Variants in ZNF804B observed in about 807,000 individuals in gnomAD.
ZNF804B encodes the protein zinc finger 804B.
Under a neutral mutation model 101.4 loss-of-function variants are expected in ZNF804B, and 80 were observed. That is an observed-to-expected ratio of 0.79 (90% confidence interval 0.66 to 0.95). The LOEUF (loss-of-function observed/expected upper bound fraction) is 0.95. Ranked by LOEUF, ZNF804B falls within the 40% of genes least tolerant of loss-of-function variation. The probability of loss-of-function intolerance (pLI) is 0.00; values close to 1 mark genes in which losing one functional copy is unlikely to be tolerated. For synonymous variants in ZNF804B, 622 were observed against 558.8 expected (o/e 1.11, Z -1.59); for missense variants, 1,673 against 1,561.9 (o/e 1.07, Z -1.20).
At chr7:88,805,502 C>T (rs1389733958) in intron 1 of ZNF804B, among the ~76,000 whole-genome samples, 1 of 152,154 alleles carries the variant, frequency 6.6e-6, no homozygotes, top group Admixed American at 6.5e-5. Flanking sequence ...ACTCAAGGTA[C>T]CTCCACATTT....
intron 1 of ZNF804B, among the ~76,000 whole-genome samples, chr7:88,994,212 C>T (rs186869836): frequency 8.8e-4 from 134 of 152,012 alleles, no homozygotes; most frequent in Non-Finnish European, 1.6e-3. Flanking sequence ...TTTTATTCAG[C>T]TGCCTCTTGC....
intron 1 of ZNF804B, among the ~76,000 whole-genome samples, chr7:89,015,687 T>C (rs538395821): frequency 1.6e-4 from 25 of 152,304 alleles, no homozygotes; most frequent in South Asian, 4.2e-4. Flanking sequence ...TATGGCTGCA[T>C]AGTATTCCAT....
At chr7:89,333,200 C>T (rs1791013460) in intron 3 of ZNF804B, among the ~76,000 whole-genome samples, 163 bp from the exon 4 acceptor site, 1 of 151,868 alleles carries the variant, frequency 6.6e-6, no homozygotes, top group South Asian at 2.1e-4. Flanking sequence ...AGCCACTATA[C>T]AATTTATGCT....
At chr7:88,795,283 A>T (rs1790461972) in intron 1 of ZNF804B, among the ~76,000 whole-genome samples, 1 of 152,240 alleles carries the variant, frequency 6.6e-6, no homozygotes, top group Middle Eastern at 3.4e-3. Context: ...TATAAGCCAA[A>T]TTTTTTAAAA....
At position 88,812,745 on chromosome 7, in the gene ZNF804B, A is replaced by G. The variant is rs1443138611; in HGVS notation, c.108+52661A>G. Among the ~76,000 whole-genome samples, 2 of 152,288 alleles carry G rather than the reference A, an allele frequency of 1.3e-5. 1 individual carries two copies. Among genetic ancestry groups the G allele is most frequent in the South Asian group, 4.1e-4 (2 of 4,832 alleles). ...AAAAAGGAAGGAAATCCTGTCACAC[A>G]CTACAACACGAATGAACCTGGAAGA... On this transcript the variant is annotated intron_variant, in intron 1 of 3. Transcript: ENST00000333190.
chr7:89,083,712 G>A (rs1339320861), intron 1 of ZNF804B, among the ~76,000 whole-genome samples: 1 of 151,708 alleles, frequency 6.6e-6, no homozygotes, highest in Admixed American at 6.6e-5. Flanking sequence ...GAAACATATT[G>A]AGACCGTTAA....
At chr7:88,993,066 A>G (rs1203653794) in intron 1 of ZNF804B, among the ~76,000 whole-genome samples, 1 of 152,000 alleles carries the variant, frequency 6.6e-6, no homozygotes, top group Non-Finnish European at 1.5e-5. Flanking sequence ...TGGCCAAACT[A>G]CTTATAAAAT....
rs1241050820 is a variant in ZNF804B, at chr7:89,334,022, A to G, written c.1040A>G (p.Asn347Ser). Residue 347 changes from asparagine to serine, a missense_variant, in exon 4 of 4, where the codon AAT becomes AGT. Asn to Ser is a conservative substitution (Grantham distance 46). Coordinates refer to ENST00000333190, the MANE Select transcript of ZNF804B (RefSeq NM_181646.5). The part of the protein sequence containing the change: ...TPTSREKETR[N>S]TLKNTLENCV... ...ACCAGCAGAGAAAAAGAAACTAGAA[A>G]TACATTGAAGAACACTTTAGAAAAT... The G allele has an allele frequency of 2.5e-6, 4 of 1,613,466 alleles. No homozygotes were observed. The highest frequency in any genetic ancestry group is 3.4e-6 in the Non-Finnish European group (4 of 1,179,738).
intron 1 of ZNF804B, among the ~76,000 whole-genome samples, chr7:89,057,170 G>A (rs1789309499): frequency 1.3e-5 from 2 of 152,082 alleles, no homozygotes; most frequent in Admixed American, 6.6e-5. Flanking sequence ...GAACAATGGG[G>A]ATGAAAGTCA....
chr7:89,228,256 T>G (rs556825776), intron 2 of ZNF804B, among the ~76,000 whole-genome samples: 2 of 152,120 alleles, frequency 1.3e-5, no homozygotes, highest in African/African-American at 4.8e-5. Context: ...AGCAGCAGGA[T>G]TTATTGCAAA....
At chr7:88,992,105 G>A (rs908213551) in intron 1 of ZNF804B, among the ~76,000 whole-genome samples, 3 of 152,104 alleles carry the variant, frequency 2.0e-5, no homozygotes, top group Non-Finnish European at 2.9e-5. Flanking sequence ...CAGTGATGAG[G>A]AAAAGTTTAA....
In ZNF804B at chr7:89,327,456, T is replaced by C; in HGVS notation, c.362T>C (p.Leu121Ser). 1 of 1,610,986 alleles carries C rather than the reference T, an allele frequency of 6.2e-7. No individual in the cohort carries two copies. Among genetic ancestry groups the C allele is most frequent in the Non-Finnish European group, 8.5e-7 (1 of 1,178,326 alleles). The change falls in exon 3 of 4, where the codon TTA becomes TCA. Residue 121 changes from leucine to serine, a missense_variant. Physicochemically the swap from Leu to Ser is moderately radical, Grantham distance 145. Coordinates refer to ENST00000333190, the MANE Select transcript of ZNF804B (RefSeq NM_181646.5). ...AAACGACTTCATCAGCTGGCTGAGTTAAGGCAGCAATCTGAATGGTAAGAA... is the reference window on the plus strand; with the variant it reads ...AAACGACTTCATCAGCTGGCTGAGTCAAGGCAGCAATCTGAATGGTAAGAA... ...ALKRLHQLAELRQQSECVSGN... is the reference protein window; with the variant it reads ...ALKRLHQLAESRQQSECVSGN...
intron 1 of ZNF804B, among the ~76,000 whole-genome samples, chr7:89,153,793 G>T (rs1790914616): frequency 6.6e-6 from 1 of 152,070 alleles, no homozygotes; most frequent in Non-Finnish European, 1.5e-5. Context: ...ATCAATGCAA[G>T]AATTAAGTAT....
chr7:89,141,202 G>A (rs898895855), intron 1 of ZNF804B, among the ~76,000 whole-genome samples: 1 of 151,982 alleles, frequency 6.6e-6, no homozygotes, highest in African/African-American at 2.4e-5. Flanking sequence ...AAAGATCACT[G>A]ATTAAAGATC....
At chr7:89,155,972 C>CTCTT (rs1790954476) in intron 1 of ZNF804B, among the ~76,000 whole-genome samples, 1 of 150,470 alleles carries the variant, frequency 6.6e-6, no homozygotes, top group Non-Finnish European at 1.5e-5. Flanking sequence ...CTGTCTCTCT[C>CTCTT]TCTTTCCTTC....
Position 89,337,200 on chromosome 7 carries a change from TTAA to T in ZNF804B, c.*173_*175del. On this transcript the variant is annotated 3_prime_UTR_variant, in exon 4 of 4. Transcript: ENST00000333190. ...TTGCTAATACTAAAACAAGAGCATT[TTAA>T]TAATTTTTTAGCTTGCCAAAATAAT... 1.3e-6 allele frequency: 1 copy of T among 770,800 alleles called. No individual in the cohort carries two copies. Among genetic ancestry groups the T allele is most frequent in the South Asian group, 2.6e-5 (1 of 38,280 alleles). The allele number at this position is 770,800 out of a possible 1,614,324, so 47.7% of individuals were successfully genotyped here. A position where few individuals can be genotyped will look rare whatever the true frequency, so the allele number is the denominator to read the frequency against.
At chr7:89,302,692 C>G (rs1028800052) in intron 2 of ZNF804B, among the ~76,000 whole-genome samples, 1 of 151,870 alleles carries the variant, frequency 6.6e-6, no homozygotes, top group Non-Finnish European at 1.5e-5. Flanking sequence ...GTGAAATAGC[C>G]TATAGTCTTC....
intron 1 of ZNF804B, among the ~76,000 whole-genome samples, chr7:89,008,268 T>A (rs1258563840): frequency 6.6e-6 from 1 of 152,138 alleles, no homozygotes; most frequent in African/African-American, 2.4e-5. Flanking sequence ...CTATGTATTT[T>A]TTCATTACAC....
chr7:89,066,250 G>GT (rs1789452959), intron 1 of ZNF804B, among the ~76,000 whole-genome samples: 1 of 117,790 alleles, frequency 8.5e-6, no homozygotes, highest in Non-Finnish European at 2.1e-5. Context: ...CTGGCTAGCT[G>GT]GTGTAGTAAT....
Sources: gnomAD v4.1 joint callset for allele counts (sites outside exome capture counted in the v4.1 genomes callset) on GRCh38, gnomAD v4.1.1 for gene constraint, MANE v1.5 for transcripts, NCBI Gene and HGNC (gene_info 2026-07-23, HGNC 2026-07-21) for gene names.